The following STK32B variants were observed in gnomAD, a reference collection of about 807,000 sequenced individuals.
The protein encoded by STK32B is serine/threonine-protein kinase 32B.
Under a neutral mutation model 52.6 loss-of-function variants are expected in STK32B, and 43 were observed. That is an observed-to-expected ratio of 0.82 (90% CI 0.64 to 1.05). The LOEUF is 1.05. STK32B is among the 50% of genes least tolerant of loss of function. STK32B has a pLI of 0.00. For missense variants in STK32B, 621 were observed against 534.6 expected, an observed-to-expected ratio of 1.16 and a Z score of -1.59; for synonymous variants, 238 against 204.3, an observed-to-expected ratio of 1.17 and a Z score of -1.41.
At chr4:5,155,554 TC>T (rs1429403793) in intron 2 of STK32B, among the ~76,000 whole-genome samples, 1 of 152,248 alleles carries the variant, frequency 6.6e-6, no homozygotes, top group East Asian at 1.9e-4. Flanking sequence ...TGGCTCTGTG[TC>T]CCCACCCAAA....
At chr4:5,383,748 G>A (rs1040764492) in intron 4 of STK32B, among the ~76,000 whole-genome samples, 2 of 152,210 alleles carry the variant, frequency 1.3e-5, no homozygotes, top group African/African-American at 4.8e-5. Flanking sequence ...GGGCCATCCT[G>A]AGTCCTGGAC....
At chr4:5,307,758 G>T (rs1417142406) in intron 3 of STK32B, among the ~76,000 whole-genome samples, 2 of 152,078 alleles carry the variant, frequency 1.3e-5, no homozygotes, top group Non-Finnish European at 2.9e-5. Context: ...GGTAGAGTGT[G>T]TCAGAGGGAA....
At chr4:5,244,361 T>C (rs4333128) in intron 3 of STK32B, among the ~76,000 whole-genome samples, 39,356 of 151,932 alleles carry the variant, frequency 0.26, 6,218 homozygotes, top group African/African-American at 0.44. Flanking sequence ...AGTTTATTTG[T>C]GTAGAGGTGT....
chr4:5,346,993 C>A (rs1733510605), intron 4 of STK32B, among the ~76,000 whole-genome samples: 1 of 152,130 alleles, frequency 6.6e-6, no homozygotes, highest in Non-Finnish European at 1.5e-5. Context: ...CTGTGAGAAC[C>A]CACGTACTAT....
At chr4:5,078,123 G>A (rs1177971846) in intron 1 of STK32B, among the ~76,000 whole-genome samples, 1 of 152,092 alleles carries the variant, frequency 6.6e-6, no homozygotes, top group Non-Finnish European at 1.5e-5. Context: ...AGGAGGAAAG[G>A]GGCCTTTTCT....
At chr4:5,019,386 C>T in the STK32B span, 8 of 1,499,686 alleles carry the variant, frequency 5.3e-6, no homozygotes, top group South Asian at 3.9e-5. Context: ...GAGTGGGCCG[C>T]GCGGCGGGGG....
In STK32B at chr4:5,115,429, C is replaced by T. The variant is rs553274180; in HGVS notation, c.53-24476C>T. Among the ~76,000 whole-genome samples the T allele has an allele frequency of 8.5e-5, 13 of 152,284 alleles. No homozygotes were observed. The South Asian group carries it at 2.7e-3, about 32-fold the overall frequency. On this transcript the variant is annotated intron_variant, in intron 1 of 11. Coordinates refer to ENST00000282908, the MANE Select transcript of STK32B (RefSeq NM_018401.3). ...GCATTACAGGAAACATTTAAATTGGCTCTGTAGGCACTTTAAGTATAACAG... is the reference window on the plus strand; with the variant it reads ...GCATTACAGGAAACATTTAAATTGGTTCTGTAGGCACTTTAAGTATAACAG...
intron 3 of STK32B, among the ~76,000 whole-genome samples, chr4:5,306,398 C>T (rs1577320216): frequency 6.6e-6 from 1 of 152,108 alleles, no homozygotes; most frequent in Non-Finnish European, 1.5e-5. Flanking sequence ...GCGTTAGGTT[C>T]ACATATATTT....
At chr4:5,240,956 C>T (rs773656631) in intron 3 of STK32B, among the ~76,000 whole-genome samples, 17 of 152,168 alleles carry the variant, frequency 1.1e-4, no homozygotes, top group South Asian at 4.1e-4. Flanking sequence ...TTTAGCTTTA[C>T]AGTAAATTGT....
chr4:5,040,524 G>A, the STK32B span, among the ~76,000 whole-genome samples: 1 of 151,704 alleles, frequency 6.6e-6, no homozygotes, highest in Non-Finnish European at 1.5e-5. Flanking sequence ...TTCCCGAGTA[G>A]CTGGGATTAC....
At chr4:5,433,653 G>T (rs1713783010) in intron 6 of STK32B, among the ~76,000 whole-genome samples, 1 of 152,280 alleles carries the variant, frequency 6.6e-6, no homozygotes, top group South Asian at 2.1e-4. Context: ...TCCCAGTCAA[G>T]AAGAGAGCAA....
chr4:5,178,205 A>G (rs553096555), intron 3 of STK32B, among the ~76,000 whole-genome samples: 86 of 152,354 alleles, frequency 5.6e-4, no homozygotes, highest in Non-Finnish European at 8.8e-4. Context: ...CACAAACCTC[A>G]GTTCTTGATT....
intron 3 of STK32B, among the ~76,000 whole-genome samples, chr4:5,237,789 T>A (rs1724731122): frequency 6.6e-6 from 1 of 152,202 alleles, no homozygotes; most frequent in South Asian, 2.1e-4. Context: ...GTTGGATGTC[T>A]CTACTGCCAG....
intron 3 of STK32B, among the ~76,000 whole-genome samples, chr4:5,185,948 A>C (rs942650015): frequency 6.6e-6 from 1 of 152,094 alleles, no homozygotes; most frequent in Non-Finnish European, 1.5e-5. Flanking sequence ...TCTGTCATAC[A>C]TCCTACTGTT....
At chr4:5,166,050 T>A (rs1718845997) in intron 2 of STK32B, among the ~76,000 whole-genome samples, 1 of 151,528 alleles carries the variant, frequency 6.6e-6, no homozygotes, top group African/African-American at 2.4e-5. Flanking sequence ...AAAGCTGGAG[T>A]CGGAAATCAG....
chr4:5,189,957 C>A lies in STK32B; in HGVS notation c.260+21507C>A, dbSNP rs1721048600. 2.0e-5 allele frequency among the ~76,000 whole-genome samples: 3 copies of A among 152,130 alleles called. No individual in the cohort carries two copies. In the South Asian group the frequency reaches 6.2e-4, roughly 32 times the overall value. On this transcript the variant is annotated intron_variant, in intron 3 of 11. Coordinates refer to ENST00000282908, the MANE Select transcript of STK32B (RefSeq NM_018401.3). ...AACCATGGCTGGCATCTAGTAGTTG[C>A]TCAGTAAGTAGTTGTCGAATGAACC...
At chr4:5,308,876 T>A (rs1008703838) in intron 3 of STK32B, among the ~76,000 whole-genome samples, 2 of 152,010 alleles carry the variant, frequency 1.3e-5, no homozygotes, top group African/African-American at 2.4e-5. Flanking sequence ...TTTATTAAAC[T>A]TAGTACTAAA....
At chr4:5,495,017 T>G (rs1275840052) in intron 11 of STK32B, among the ~76,000 whole-genome samples, 1 of 152,176 alleles carries the variant, frequency 6.6e-6, no homozygotes, top group Non-Finnish European at 1.5e-5. Flanking sequence ...CATTTTTTCC[T>G]TCATTTCAAC....
chr4:5,496,379 A>C (rs538832085), intron 11 of STK32B, among the ~76,000 whole-genome samples: 1 of 152,320 alleles, frequency 6.6e-6, no homozygotes, highest in South Asian at 2.1e-4. Context: ...GGACCCTCCG[A>C]GCCAGGTGCG....
Sources: gnomAD v4.1 joint callset for allele counts (sites outside exome capture counted in the v4.1 genomes callset) on GRCh38, gnomAD v4.1.1 for gene constraint, MANE v1.5 for transcripts, NCBI Gene and HGNC (gene_info 2026-07-23, HGNC 2026-07-21) for gene names.